Variants in MAPK10 observed in about 807,000 individuals in gnomAD.
MAPK10 encodes mitogen-activated protein kinase 10.
In MAPK10, 25 loss-of-function variants were observed where a neutral mutation model predicts 59.3. The observed-to-expected ratio is 0.42, with a 90% confidence interval of 0.31 to 0.59. MAPK10 has a LOEUF of 0.59. MAPK10 is among the 20% of genes least tolerant of loss of function. The pLI, the probability that MAPK10 is intolerant of heterozygous loss-of-function variation, is 0.15. For synonymous variants in MAPK10, 190 were observed against 200.5 expected (o/e 0.95, Z 0.44); for missense variants, 351 against 568.9 (o/e 0.62, Z 3.90).
chr4:86,380,125 G>A (rs1241017095), intron 1 of MAPK10, among the ~76,000 whole-genome samples: 1 of 152,114 alleles, frequency 6.6e-6, no homozygotes, highest in East Asian at 1.9e-4. Flanking sequence ...AGGAGGCTGA[G>A]GCAGGAGAAT....
At chr4:86,566,540 C>G (rs984578421) in intron 1 of MAPK10, among the ~76,000 whole-genome samples, 1 of 151,792 alleles carries the variant, frequency 6.6e-6, no homozygotes, top group Admixed American at 6.6e-5. Flanking sequence ...ATGGTGAAAC[C>G]CTGTCTCTAC....
chr4:86,555,622 T>G (rs1760204844), intron 1 of MAPK10, among the ~76,000 whole-genome samples: 2 of 152,248 alleles, frequency 1.3e-5, no homozygotes, highest in South Asian at 4.1e-4. Flanking sequence ...GCTGGTATTC[T>G]GCATGTTTTG....
intron 4 of MAPK10, among the ~76,000 whole-genome samples, chr4:86,133,510 A>C (rs1206811608): frequency 6.6e-6 from 1 of 152,238 alleles, no homozygotes; most frequent in Non-Finnish European, 1.5e-5. Flanking sequence ...GCAACATAAA[A>C]ATTTTTAATG....
At chr4:86,163,814 C>T (rs2070697044) in intron 3 of MAPK10, among the ~76,000 whole-genome samples, 1 of 152,064 alleles carries the variant, frequency 6.6e-6, no homozygotes, top group African/African-American at 2.4e-5. Context: ...GACATGTAAA[C>T]AAAGGATGTG....
At chr4:86,239,650 T>C (rs1424129796) in intron 2 of MAPK10, among the ~76,000 whole-genome samples, 1 of 152,190 alleles carries the variant, frequency 6.6e-6, no homozygotes, top group African/African-American at 2.4e-5. Flanking sequence ...GTGTTTATAC[T>C]ATTCTCTGTT....
intron 2 of MAPK10, among the ~76,000 whole-genome samples, chr4:86,255,341 G>T (rs2148723724): frequency 6.6e-6 from 1 of 152,328 alleles, no homozygotes; most frequent in East Asian, 1.9e-4. Context: ...AACGGAATTT[G>T]ATATGAAGTT....
At chr4:86,222,183 CTCTTT>C (rs1415924463) in intron 2 of MAPK10, among the ~76,000 whole-genome samples, 2 of 152,160 alleles carry the variant, frequency 1.3e-5, no homozygotes, top group African/African-American at 4.8e-5. Context: ...CCAATTAAAC[CTCTTT>C]TCTTTATTAA....
At chr4:86,571,736 C>A (rs1263163451) in intron 1 of MAPK10, among the ~76,000 whole-genome samples, 1 of 152,076 alleles carries the variant, frequency 6.6e-6, no homozygotes, top group African/African-American at 2.4e-5. Flanking sequence ...TTGGCTATCT[C>A]CTGACAACCT....
chr4:86,527,312 C>CAAAAAAA (rs57390422), intron 1 of MAPK10, among the ~76,000 whole-genome samples: 3 of 16,182 alleles, frequency 1.9e-4, no homozygotes, highest in Non-Finnish European at 4.2e-4. Flanking sequence ...ACACTGTTGC[C>CAAAAAAA]AAAAAAAAAA....
chr4:86,148,723 T>A (rs928455963), intron 4 of MAPK10, among the ~76,000 whole-genome samples: 1 of 152,176 alleles, frequency 6.6e-6, no homozygotes, highest in African/African-American at 2.4e-5. Flanking sequence ...AGGGCAAGTT[T>A]GAGTAGATGA....
upstream of MAPK10, among the ~76,000 whole-genome samples, chr4:86,363,571 G>C (rs1737338125): frequency 6.6e-6 from 1 of 151,976 alleles, no homozygotes; most frequent in Non-Finnish European, 1.5e-5. Context: ...GTGATATTTT[G>C]ATATATGTAT....
intron 1 of MAPK10, among the ~76,000 whole-genome samples, chr4:86,435,703 G>A (rs186379085): frequency 1.1e-4 from 16 of 152,224 alleles, no homozygotes; most frequent in Middle Eastern, 3.4e-3. Flanking sequence ...TTTTGCTCTG[G>A]CTGTTAGGTC....
At chr4:86,037,002 T>C (rs1423401486) in intron 11 of MAPK10, among the ~76,000 whole-genome samples, 1 of 152,240 alleles carries the variant, frequency 6.6e-6, no homozygotes, top group Non-Finnish European at 1.5e-5. Context: ...TTTCCTTCTC[T>C]GAGACAGCAC....
chr4:86,585,214 C>G (rs1417992954), intron 1 of MAPK10, among the ~76,000 whole-genome samples: 2 of 152,100 alleles, frequency 1.3e-5, no homozygotes, highest in African/African-American at 2.4e-5. Context: ...TTATTTCCCC[C>G]TCCACACTCC....
intron 2 of MAPK10, among the ~76,000 whole-genome samples, chr4:86,280,882 G>A (rs1446955805): frequency 6.6e-6 from 1 of 152,074 alleles, no homozygotes; most frequent in African/African-American, 2.4e-5. Flanking sequence ...CTTACAAGTG[G>A]GAACTAAACA....
rs368070673 is a variant in MAPK10, at chr4:86,573,209, T to A, written c.-263+20701A>T. Among the ~76,000 whole-genome samples the A allele has an allele frequency of 2.6e-5, 4 of 152,304 alleles. No individual in the cohort carries two copies. The South Asian group carries it at 8.3e-4, about 32-fold the overall frequency. ...TGTCTTACCTAAGAAAGCTTTACTA[T>A]CAAAGGTCACAAAGAATTTCCCCTA... On this transcript the variant is annotated intron_variant, in intron 1 of 4. Transcript: ENST00000502302.
chr4:86,169,582 A>G (rs981661902), intron 3 of MAPK10, among the ~76,000 whole-genome samples: 11 of 152,144 alleles, frequency 7.2e-5, no homozygotes, highest in African/African-American at 2.2e-4. Context: ...CCAAATCTAC[A>G]TCTGATTGGT....
intron 3 of MAPK10, among the ~76,000 whole-genome samples, chr4:86,182,500 T>C (rs1156529769): frequency 6.6e-6 from 1 of 152,122 alleles, no homozygotes; most frequent in African/African-American, 2.4e-5. Context: ...TTGAGTATTG[T>C]CTGTTGGGCA....
In MAPK10 at chr4:86,418,231, GA is replaced by G. The variant is rs528062045; in HGVS notation, c.-122+34798del. ...CAGCATATTGAGAGCATGTACCTAAGAAAAAACAAATGAGGTTTTTTTTTAA... is the reference window on the plus strand; with the variant it reads ...CAGCATATTGAGAGCATGTACCTAAGAAAAACAAATGAGGTTTTTTTTTAA... On this transcript the variant is annotated intron_variant, in intron 1 of 13. Transcript: ENST00000361569. Among the ~76,000 whole-genome samples the G allele has an allele frequency of 3.4e-4, 51 of 152,204 alleles. 1 individual carries two copies. The highest frequency in any genetic ancestry group is 1.2e-3 in the African/African-American group (49 of 41,550).
Sources: gnomAD v4.1 joint callset for allele counts (sites outside exome capture counted in the v4.1 genomes callset) on GRCh38, gnomAD v4.1.1 for gene constraint, MANE v1.5 for transcripts, NCBI Gene and HGNC (gene_info 2026-07-23, HGNC 2026-07-21) for gene names.